Variants in RPS6KC1 observed in about 807,000 individuals in gnomAD.
RPS6KC1 encodes inactive ribosomal protein S6 kinase delta-1.
In RPS6KC1, 54 loss-of-function variants were observed where a neutral mutation model predicts 103.8. The observed-to-expected ratio is 0.52, with a 90% confidence interval of 0.42 to 0.65. RPS6KC1 has a LOEUF of 0.65. Among genes scored for constraint, RPS6KC1 ranks in the 30% least tolerant of loss-of-function variants. RPS6KC1 has a pLI of 0.00. For missense variants in RPS6KC1, 1,151 were observed against 1,253.8 expected, an observed-to-expected ratio of 0.92 and a Z score of 1.24; for synonymous variants, 439 against 438.7, an observed-to-expected ratio of 1.00 and a Z score of -0.01.
At chr1:213,130,513 TAATCAAA>T (rs1344005675) in intron 6 of RPS6KC1, among the ~76,000 whole-genome samples, 1 of 152,194 alleles carries the variant, frequency 6.6e-6, no homozygotes, top group African/African-American at 2.4e-5. Flanking sequence ...TTGGATGCAG[TAATCAAA>T]GATTGATATT....
the RPS6KC1 span, among the ~76,000 whole-genome samples, chr1:213,682,113 G>C: frequency 1.3e-5 from 2 of 152,198 alleles, no homozygotes; most frequent in Non-Finnish European, 2.9e-5. Flanking sequence ...ACTGGCTTTA[G>C]CACAGAAAGT....
chr1:213,517,508 G>A, the RPS6KC1 span, among the ~76,000 whole-genome samples: 1 of 152,180 alleles, frequency 6.6e-6, no homozygotes, highest in African/African-American at 2.4e-5. Flanking sequence ...TTCAGGAGCA[G>A]GTTGTTCACT....
At chr1:213,712,455 T>C in the RPS6KC1 span, among the ~76,000 whole-genome samples, 1 of 152,196 alleles carries the variant, frequency 6.6e-6, no homozygotes, top group Non-Finnish European at 1.5e-5. Flanking sequence ...CTGGGCTCCA[T>C]GGGGGTGGGA....
At chr1:213,232,391 C>T in intron 10 of RPS6KC1, 136 bp downstream of exon 10, 1 of 1,081,844 alleles carries the variant, frequency 9.2e-7, no homozygotes, top group Non-Finnish European at 1.4e-6. Context: ...TCTGCTCTAC[C>T]TCCCTACTTT....
chr1:213,229,744 G>A (rs536292608), intron 8 of RPS6KC1, among the ~76,000 whole-genome samples: 1 of 152,256 alleles, frequency 6.6e-6, no homozygotes, highest in African/African-American at 2.4e-5. Flanking sequence ...GGGTCTTGAG[G>A]TCATTTTATG....
At chr1:213,833,967 G>A in the RPS6KC1 span, among the ~76,000 whole-genome samples, 1 of 152,158 alleles carries the variant, frequency 6.6e-6, no homozygotes, top group East Asian at 1.9e-4. Context: ...TCTTTCACAT[G>A]GAAAATGTTA....
intron 6 of RPS6KC1, among the ~76,000 whole-genome samples, chr1:213,142,788 A>G (rs1044613891): frequency 6.6e-6 from 1 of 152,022 alleles, no homozygotes; most frequent in African/African-American, 2.4e-5. Flanking sequence ...TTTTAGCAAT[A>G]TTTTTAAATT....
At chr1:213,361,356 C>A in the RPS6KC1 span, among the ~76,000 whole-genome samples, 9 of 152,248 alleles carry the variant, frequency 5.9e-5, no homozygotes, top group Non-Finnish European at 1.3e-4. Flanking sequence ...CCCTCTGAAC[C>A]AGGAGCGGGA....
chr1:213,643,441 G>T, the RPS6KC1 span, among the ~76,000 whole-genome samples: 1 of 150,914 alleles, frequency 6.6e-6, no homozygotes. Flanking sequence ...TTTATGTTTG[G>T]TTATTGTAAA....
chr1:213,515,170 T>G, the RPS6KC1 span, among the ~76,000 whole-genome samples: 1 of 152,120 alleles, frequency 6.6e-6, no homozygotes, highest in Non-Finnish European at 1.5e-5. Flanking sequence ...TTTCTCCCAT[T>G]CTGTAGGTTG....
At chr1:213,750,020 A>C in the RPS6KC1 span, among the ~76,000 whole-genome samples, 1 of 152,248 alleles carries the variant, frequency 6.6e-6, no homozygotes, top group African/African-American at 2.4e-5. Context: ...ACACTGGGTA[A>C]GACACATATC....
the RPS6KC1 span, among the ~76,000 whole-genome samples, chr1:213,664,135 A>T: frequency 7.4e-6 from 1 of 135,824 alleles, no homozygotes; most frequent in Non-Finnish European, 1.5e-5. Flanking sequence ...CCCATGGCAC[A>T]CTGATTGCTG....
chr1:213,690,715 A>C, the RPS6KC1 span, among the ~76,000 whole-genome samples: 1 of 152,220 alleles, frequency 6.6e-6, no homozygotes, highest in Non-Finnish European at 1.5e-5. Context: ...TAATCTCAGC[A>C]AGCCTCAGTT....
chr1:213,214,109 G>A (rs2093592011), intron 8 of RPS6KC1, among the ~76,000 whole-genome samples: 1 of 92,166 alleles, frequency 1.1e-5, no homozygotes, highest in Admixed American at 8.6e-5. Flanking sequence ...CAAGGGGTCA[G>A]GGAATTCCCT....
chr1:213,850,304 T>C, the RPS6KC1 span, among the ~76,000 whole-genome samples: 1 of 152,240 alleles, frequency 6.6e-6, no homozygotes, highest in African/African-American at 2.4e-5. Flanking sequence ...TTTTTTCAAT[T>C]GATCATCAAT....
the RPS6KC1 span, among the ~76,000 whole-genome samples, chr1:213,731,062 A>T: frequency 5.3e-5 from 8 of 152,186 alleles, no homozygotes; most frequent in Non-Finnish European, 8.8e-5. Context: ...AGGCTTGTCG[A>T]AGATCAGATA....
the RPS6KC1 span, among the ~76,000 whole-genome samples, chr1:213,409,470 T>G: frequency 6.6e-6 from 1 of 151,790 alleles, no homozygotes; most frequent in Non-Finnish European, 1.5e-5. Context: ...AGACTGTTTG[T>G]GAGGGAGGCA....
At chr1:213,761,441 G>A in the RPS6KC1 span, among the ~76,000 whole-genome samples, 1 of 152,112 alleles carries the variant, frequency 6.6e-6, no homozygotes, top group African/African-American at 2.4e-5. Context: ...TCATAACTGG[G>A]GCTGTAATGG....
chr1:213,718,479 T>G, the RPS6KC1 span, among the ~76,000 whole-genome samples: 1 of 152,254 alleles, frequency 6.6e-6, no homozygotes, highest in Non-Finnish European at 1.5e-5. Context: ...CTCTGAGGCT[T>G]TGAAAGCTCT....
Sources: allele counts gnomAD v4.1 joint callset (sites outside exome capture counted in the v4.1 genomes callset), GRCh38; gene constraint gnomAD v4.1.1; transcripts MANE v1.5; gene names NCBI Gene and HGNC (gene_info 2026-07-23, HGNC 2026-07-21).